LNX1: variants seen among roughly 807,000 people sequenced by gnomAD.
The protein encoded by LNX1 is ligand of numb-protein X 1, also known as E3 ubiquitin-protein ligase LNX.
In LNX1, 54 loss-of-function variants were observed where a neutral mutation model predicts 68.4. The ratio of observed to expected loss-of-function variants is 0.79; its 90% CI spans 0.63 to 0.99. The LOEUF (loss-of-function observed/expected upper bound fraction) is 0.99. LNX1 is among the 50% of genes least tolerant of loss of function. LNX1 has a pLI of 0.00. For synonymous variants in LNX1, 336 were observed against 350.0 expected (o/e 0.96, Z 0.45); for missense variants, 906 against 926.4 (o/e 0.98, Z 0.29).
In LNX1 at chr4:53,568,022, G is replaced by A. The variant is rs4864797; in HGVS notation, c.380+5601C>T. The stretch of plus-strand genomic sequence containing the variant: ...ATAATCAGTAGCTTACCAACCAAAA[G>A]GAGTCCAGGACCAGATGGATTCACA... On this transcript the variant is annotated intron_variant, in intron 2 of 10. Transcript: ENST00000263925. 8.4e-3 allele frequency among the ~76,000 whole-genome samples: 1,264 copies of A among 151,008 alleles called. 14 individuals are homozygous for A. Among genetic ancestry groups the A allele is most frequent in the African/African-American group, 0.029 (1,173 of 40,504 alleles).
chr4:53,584,557 G>A (rs1353113226), intron 1 of LNX1, among the ~76,000 whole-genome samples: 2 of 152,192 alleles, frequency 1.3e-5, no homozygotes, highest in East Asian at 3.9e-4. Flanking sequence ...GAAGGATCAC[G>A]AATGATAAAT....
chr4:53,544,225 C>T (rs1325266100), intron 2 of LNX1, among the ~76,000 whole-genome samples: 6 of 151,176 alleles, frequency 4.0e-5, no homozygotes, highest in African/African-American at 1.5e-4. Flanking sequence ...GAGACAGTCT[C>T]ACTCTGTTGC....
At chr4:53,642,315 C>T (rs535358346) in intron 1 of LNX1, among the ~76,000 whole-genome samples, 30 of 151,572 alleles carry the variant, frequency 2.0e-4, no homozygotes, top group Admixed American at 1.9e-3. Context: ...AGAAGGAATC[C>T]CAAAATAGAC....
chr4:53,568,722 G>C (rs1730910206), intron 2 of LNX1, among the ~76,000 whole-genome samples: 1 of 151,840 alleles, frequency 6.6e-6, no homozygotes, highest in Non-Finnish European at 1.5e-5. Flanking sequence ...AAGTCAAATT[G>C]TCCCTGTTTG....
chr4:53,493,361 G>A (rs1724837865), intron 6 of LNX1, among the ~76,000 whole-genome samples: 1 of 152,218 alleles, frequency 6.6e-6, no homozygotes, highest in Non-Finnish European at 1.5e-5. Context: ...CATGGGGGCC[G>A]AGAACCACCT....
intron 2 of LNX1, among the ~76,000 whole-genome samples, chr4:53,614,175 G>A (rs1164104314): frequency 6.6e-6 from 1 of 152,078 alleles, no homozygotes; most frequent in Non-Finnish European, 1.5e-5. Flanking sequence ...TTTTATGTTT[G>A]TTGATTTAAG....
intron 1 of LNX1, among the ~76,000 whole-genome samples, chr4:53,635,332 T>C (rs1312955762): frequency 1.7e-4 from 26 of 152,234 alleles, no homozygotes; most frequent in Non-Finnish European, 3.8e-4. Flanking sequence ...GCCTGTTTTG[T>C]GAGCCAACAA....
chr4:53,578,936 A>G (rs766655852), intron 1 of LNX1, among the ~76,000 whole-genome samples: 52 of 150,860 alleles, frequency 3.4e-4, no homozygotes, highest in Non-Finnish European at 5.9e-4. Context: ...TATGATTAAT[A>G]TCTCCCTGGT....
rs1284019267 is a variant in LNX1 at position 53,460,378 on chromosome 4, GAATA to G, written c.*525_*528del. Reference sequence around the variant, plus strand: ...GTAACAAATAACATGGTATTTGAAAGAATAAATTACTAGGATCTTTTAAATAGTG... The same window carrying G: ...GTAACAAATAACATGGTATTTGAAAGAATTACTAGGATCTTTTAAATAGTG... On this transcript the variant is annotated 3_prime_UTR_variant, in exon 11 of 11. Coordinates refer to ENST00000263925, the MANE Select transcript of LNX1 (RefSeq NM_001126328.3). The G allele has an allele frequency of 1.6e-5, 3 of 190,056 alleles. No individual in the cohort carries two copies. Among genetic ancestry groups the G allele is most frequent in the Non-Finnish European group, 3.3e-5 (3 of 90,916 alleles). 11.8% of individuals were successfully genotyped at this position (190,056 alleles called of 1,614,324 possible).
intron 2 of LNX1, among the ~76,000 whole-genome samples, chr4:53,601,955 C>G (rs1320071973): frequency 6.6e-6 from 1 of 152,154 alleles, no homozygotes; most frequent in African/African-American, 2.4e-5. Context: ...ATACCACCAA[C>G]CCTCCTCACC....
intron 4 of LNX1, among the ~76,000 whole-genome samples, chr4:53,505,870 A>T (rs17658423): frequency 0.12 from 18,745 of 152,198 alleles, 1,226 homozygotes; most frequent in Non-Finnish European, 0.15. Context: ...CGTGAATGCC[A>T]GCTGAAAGGA....
chr4:53,466,543 G>A (rs977578771), intron 9 of LNX1, among the ~76,000 whole-genome samples: 21 of 152,276 alleles, frequency 1.4e-4, no homozygotes, highest in African/African-American at 3.6e-4. Flanking sequence ...GCAAGGCGTC[G>A]CCTCACCCGG....
intron 9 of LNX1, among the ~76,000 whole-genome samples, chr4:53,464,878 T>C (rs2150557600): frequency 6.6e-6 from 1 of 152,278 alleles, no homozygotes; most frequent in Non-Finnish European, 1.5e-5. Context: ...TAGAGTCAAA[T>C]TTAAATTATC....
intron 2 of LNX1, among the ~76,000 whole-genome samples, chr4:53,562,036 T>C (rs1253968318): frequency 6.6e-6 from 1 of 152,226 alleles, no homozygotes; most frequent in East Asian, 1.9e-4. Flanking sequence ...GTCATTTCCT[T>C]AGAGGCAGAA....
intron 2 of LNX1, among the ~76,000 whole-genome samples, chr4:53,552,828 C>CAA (rs11375920): frequency 0.022 from 2,428 of 109,184 alleles, 89 homozygotes; most frequent in African/African-American, 0.058. Context: ...GACTCCATCT[C>CAA]AAAAAAAAAA....
At chr4:53,466,580 T>A (rs1347005301) in intron 9 of LNX1, among the ~76,000 whole-genome samples, 9 of 152,182 alleles carry the variant, frequency 5.9e-5, no homozygotes, top group African/African-American at 2.2e-4. Context: ...GGGAATTCCC[T>A]TTCCTAGTCA....
At chr4:53,639,153 GA>G (rs1312761820) in intron 1 of LNX1, among the ~76,000 whole-genome samples, 1 of 152,170 alleles carries the variant, frequency 6.6e-6, no homozygotes, top group Non-Finnish European at 1.5e-5. Flanking sequence ...ATGCATCCAT[GA>G]AAAAGAACAA....
chr4:53,478,056 CA>C (rs1411516906), intron 8 of LNX1, among the ~76,000 whole-genome samples: 1 of 152,102 alleles, frequency 6.6e-6, no homozygotes, highest in Non-Finnish European at 1.5e-5. Flanking sequence ...TTTATTTACT[CA>C]AAGTAGCCCA....
chr4:53,578,407 G>A (rs1164119834), intron 1 of LNX1, among the ~76,000 whole-genome samples: 1 of 152,126 alleles, frequency 6.6e-6, no homozygotes, highest in Non-Finnish European at 1.5e-5. Flanking sequence ...CTGCAAACCT[G>A]TACAGCATGT....
Sources: gnomAD v4.1 joint callset for allele counts (sites outside exome capture counted in the v4.1 genomes callset) on GRCh38, gnomAD v4.1.1 for gene constraint, MANE v1.5 for transcripts, NCBI Gene and HGNC (gene_info 2026-07-23, HGNC 2026-07-21) for gene names.